MYH11: variants seen among roughly 807,000 people sequenced by gnomAD.
MYH11 encodes the protein myosin heavy chain 11.
In MYH11, 80 loss-of-function variants were observed where a neutral mutation model predicts 246.6. The observed-to-expected ratio is 0.32, with a 90% CI of 0.27 to 0.39. MYH11 has a LOEUF of 0.39. Among genes scored for constraint, MYH11 ranks in the 10% least tolerant of loss-of-function variants. MYH11 has a pLI of 1.00. For synonymous variants in MYH11, 1,071 were observed against 1,015.5 expected, an observed-to-expected ratio of 1.05 and a Z score of -1.04; for missense variants, 2,158 against 2,546.8, an observed-to-expected ratio of 0.85 and a Z score of 3.29.
chr16:15,800,665 A>G (rs1022096520), intron 3 of MYH11, among the ~76,000 whole-genome samples: 2 of 151,642 alleles, frequency 1.3e-5, no homozygotes, highest in African/African-American at 4.8e-5. Context: ...GGGAGGATGG[A>G]TGGGACTGAA....
chr16:15,731,128 C>T (rs868039367), intron 27 of MYH11, among the ~76,000 whole-genome samples: 16 of 152,342 alleles, frequency 1.1e-4, no homozygotes, highest in South Asian at 2.1e-4. Flanking sequence ...CCTGGCCTTC[C>T]TCCAGTCTGC....
At chr16:15,822,637 C>T (rs1461090536) in intron 3 of MYH11, among the ~76,000 whole-genome samples, 1 of 152,182 alleles carries the variant, frequency 6.6e-6, no homozygotes, top group African/African-American at 2.4e-5. Context: ...ATTGCTTGAG[C>T]CCAGGAGGCG....
intron 2 of MYH11, among the ~76,000 whole-genome samples, chr16:15,824,326 G>A (rs1170261861): frequency 2.6e-5 from 4 of 151,532 alleles, no homozygotes; most frequent in African/African-American, 9.7e-5. Context: ...CGCCCAGGCT[G>A]CAGTGTAGTG....
intron 3 of MYH11, among the ~76,000 whole-genome samples, chr16:15,799,040 C>A (rs76792395): frequency 0.032 from 4,849 of 152,292 alleles, 256 homozygotes; most frequent in African/African-American, 0.11. Flanking sequence ...TTGGGGTCCC[C>A]CTTAGCCACT....
In MYH11 at chr16:15,757,815, C is replaced by G; in HGVS notation, c.1575+12G>C. 6.2e-7 allele frequency: 1 copy of G among 1,614,178 alleles called. No homozygotes were observed. Among genetic ancestry groups the G allele is most frequent in the Middle Eastern group, 1.6e-4 (1 of 6,062 alleles). ...GGTGTGACGGAGCCCCGCACGCCCA[C>G]GTGCCCCTCACCGGTCGCTCGATGA... On this transcript the variant is annotated intron_variant, in intron 13 of 40. Transcript: ENST00000300036.
chr16:15,740,045 A>G lies in MYH11; in HGVS notation c.2997+6T>C. 1 of 1,613,718 alleles carries G rather than the reference A, an allele frequency of 6.2e-7. No homozygotes were observed. Among genetic ancestry groups the G allele is most frequent in the Non-Finnish European group, 8.5e-7 (1 of 1,179,892 alleles). On this transcript the variant is annotated splice_donor_region_variant and intron_variant, in intron 23 of 40. Coordinates refer to ENST00000300036, the MANE Select transcript of MYH11 (RefSeq NM_002474.3). Reference sequence around the variant, plus strand: ...GCGTGAGCCACTGCACCCGGCCCCTACTCACTTTTGATAGTTTATTGTTCT... The same window carrying G: ...GCGTGAGCCACTGCACCCGGCCCCTGCTCACTTTTGATAGTTTATTGTTCT...
intron 32 of MYH11, 52 bp from the exon 33 acceptor site, chr16:15,721,103 G>A (rs552279946): frequency 1.0e-5 from 16 of 1,594,770 alleles, no homozygotes; most frequent in Middle Eastern, 1.7e-4. Flanking sequence ...TCATGAAGAC[G>A]ATTGAGAAAC....
At position 15,838,287 on chromosome 16, in the gene MYH11, A is replaced by G. The variant is rs758009757; in HGVS notation, c.-17-18T>C. 5 of 1,605,514 alleles carry G rather than the reference A, an allele frequency of 3.1e-6. No individual in the cohort carries two copies. The highest frequency in any genetic ancestry group is 1.7e-5 in the Admixed American group (1 of 59,924). On this transcript the variant is annotated intron_variant, in intron 1 of 40. Transcript: ENST00000300036. Reference sequence around the variant, plus strand: ...TTGGTCCCCTGTGGAATAAGGTAACAGGGTCAGAATCAGACCACAACCAAG... The same window carrying G: ...TTGGTCCCCTGTGGAATAAGGTAACGGGGTCAGAATCAGACCACAACCAAG...
At chr16:15,747,760 G>T in intron 18 of MYH11, 30 bp from the exon 19 acceptor site, 1 of 1,613,768 alleles carries the variant, frequency 6.2e-7, no homozygotes, top group African/African-American at 1.3e-5. Flanking sequence ...AAGAGCTCCT[G>T]ATTTCCACTG....
At chr16:15,824,051 G>T (rs189447675) in intron 2 of MYH11, among the ~76,000 whole-genome samples, 2 of 152,280 alleles carry the variant, frequency 1.3e-5, no homozygotes, top group East Asian at 3.9e-4. Flanking sequence ...CTTACTATGT[G>T]TTGGGCACCG....
intron 4 of MYH11, 23 bp from the exon 5 acceptor site, chr16:15,786,755 C>A (rs781758622): frequency 6.9e-6 from 11 of 1,598,982 alleles, no homozygotes; most frequent in Non-Finnish European, 7.7e-6. Flanking sequence ...GGAACATCAT[C>A]TATGCACACG....
At chr16:15,808,846 T>C (rs1173072190) in intron 3 of MYH11, among the ~76,000 whole-genome samples, 1 of 152,148 alleles carries the variant, frequency 6.6e-6, no homozygotes, top group Non-Finnish European at 1.5e-5. Flanking sequence ...GGAGCTATTA[T>C]TGTGCCACTG....
intron 8 of MYH11, among the ~76,000 whole-genome samples, chr16:15,773,370 A>C (rs1047478390): frequency 2.7e-5 from 4 of 146,248 alleles, no homozygotes; most frequent in Non-Finnish European, 5.9e-5. Flanking sequence ...TGCTCACTGC[A>C]ACCTCTGCCT....
intron 8 of MYH11, among the ~76,000 whole-genome samples, chr16:15,774,391 C>A (rs2042173172): frequency 6.6e-6 from 1 of 152,198 alleles, no homozygotes; most frequent in Non-Finnish European, 1.5e-5. Context: ...AGGTACCAAA[C>A]AACCAAACTG....
chr16:15,709,109 T>C (rs1157840475), intron 40 of MYH11, among the ~76,000 whole-genome samples: 1 of 146,342 alleles, frequency 6.8e-6, no homozygotes, highest in East Asian at 2.1e-4. Flanking sequence ...GCTTGGCTAA[T>C]TTTTGTATTT....
At position 15,725,003 on chromosome 16, in the gene MYH11, C is replaced by A; in HGVS notation, c.3859-11G>T. ...GCTCTCAACTTCATTCTAAGGGTGCCAAGAGACTGGTTAGTCAAAGCCTCT... is the reference window on the plus strand; with the variant it reads ...GCTCTCAACTTCATTCTAAGGGTGCAAAGAGACTGGTTAGTCAAAGCCTCT... On this transcript the variant is annotated splice_polypyrimidine_tract_variant and intron_variant, in intron 28 of 40. Transcript: ENST00000300036. 6.2e-7 allele frequency: 1 copy of A among 1,612,226 alleles called. No homozygotes were observed. Among genetic ancestry groups the A allele is most frequent in the Non-Finnish European group, 8.5e-7 (1 of 1,178,810 alleles).
intron 3 of MYH11, among the ~76,000 whole-genome samples, chr16:15,801,103 G>A (rs2042874591): frequency 2.6e-5 from 4 of 152,072 alleles, no homozygotes; most frequent in African/African-American, 7.2e-5. Flanking sequence ...CTACTCAGAA[G>A]GCTGAGGCAG....
At chr16:15,833,931 A>G (rs1354164077) in intron 2 of MYH11, among the ~76,000 whole-genome samples, 1 of 152,196 alleles carries the variant, frequency 6.6e-6, no homozygotes, top group Non-Finnish European at 1.5e-5. Context: ...GGAACAAGAG[A>G]AGAGCGGGAC....
At chr16:15,726,051 C>CT (rs776948452) in intron 28 of MYH11, 2 of 209,350 alleles carry the variant, frequency 9.6e-6, no homozygotes, top group Non-Finnish European at 1.9e-5. Context: ...TTTGCACACG[C>CT]TGTTCCCTCT....
Sources: gnomAD v4.1 joint callset for allele counts (sites outside exome capture counted in the v4.1 genomes callset) on GRCh38, gnomAD v4.1.1 for gene constraint, MANE v1.5 for transcripts, NCBI Gene and HGNC (gene_info 2026-07-23, HGNC 2026-07-21) for gene names.